The following MDGA2 variants were observed in gnomAD, a reference collection of about 807,000 sequenced individuals.
The protein encoded by MDGA2 is MAM domain containing glycosylphosphatidylinositol anchor 2, also known as MAM domain-containing glycosylphosphatidylinositol anchor protein 2.
In MDGA2, 40 loss-of-function variants were observed where a neutral mutation model predicts 117.8. The ratio of observed to expected loss-of-function variants is 0.34; its 90% CI spans 0.26 to 0.44. The LOEUF is 0.44. Among genes scored for constraint, MDGA2 ranks in the 20% least tolerant of loss-of-function variants. MDGA2 has a pLI of 1.00. For missense variants in MDGA2, 1,123 were observed against 1,250.6 expected (o/e 0.90, Z 1.54); for synonymous variants, 452 against 439.0 (o/e 1.03, Z -0.37).
chr14:47,315,482 T>C (rs1234446824), intron 1 of MDGA2, among the ~76,000 whole-genome samples: 2 of 152,182 alleles, frequency 1.3e-5, no homozygotes, highest in African/African-American at 4.8e-5. Context: ...CATCACGTGG[T>C]ATAAATCTTG....
chr14:47,462,336 A>G (rs1893505632), intron 1 of MDGA2, among the ~76,000 whole-genome samples: 2 of 146,490 alleles, frequency 1.4e-5, no homozygotes. Flanking sequence ...AGATCGTGCC[A>G]CTGCACTCCA....
chr14:47,391,118 CATA>C (rs1566766143), intron 1 of MDGA2, among the ~76,000 whole-genome samples: 1 of 152,170 alleles, frequency 6.6e-6, no homozygotes, highest in Non-Finnish European at 1.5e-5. Flanking sequence ...TTGGCAGACA[CATA>C]ATAACCCTCC....
intron 1 of MDGA2, among the ~76,000 whole-genome samples, chr14:47,316,451 C>A (rs995655228): frequency 6.6e-6 from 1 of 151,964 alleles, no homozygotes; most frequent in Non-Finnish European, 1.5e-5. Context: ...GTCAGTTCAT[C>A]AAATAAATGA....
At chr14:47,259,786 A>T (rs1462683891) in intron 2 of MDGA2, among the ~76,000 whole-genome samples, 2 of 152,100 alleles carry the variant, frequency 1.3e-5, no homozygotes, top group Non-Finnish European at 2.9e-5. Context: ...ATGGAATCTG[A>T]GAGAGTAGAG....
chr14:46,929,646 TACA>T (rs1399033547), intron 9 of MDGA2, among the ~76,000 whole-genome samples: 1,007 of 33,980 alleles, frequency 0.03, 142 homozygotes, highest in African/African-American at 0.033. Flanking sequence ...TATATATATA[TACA>T]TTTTTTTTTT....
intron 1 of MDGA2, among the ~76,000 whole-genome samples, chr14:47,320,849 G>C (rs1763896943): frequency 6.6e-6 from 1 of 152,098 alleles, no homozygotes; most frequent in Non-Finnish European, 1.5e-5. Flanking sequence ...AATGCTTTGA[G>C]TACTTGTGTT....
At chr14:47,052,128 A>T (rs1889480576) in intron 7 of MDGA2, among the ~76,000 whole-genome samples, 1 of 151,876 alleles carries the variant, frequency 6.6e-6, no homozygotes, top group Non-Finnish European at 1.5e-5. Context: ...CAAATTTTGA[A>T]GCTAAAAATT....
rs550571460 is a variant in MDGA2, at chr14:46,900,012, G to C, written c.2239-17791C>G. Reference sequence around the variant, plus strand: ...AGTAGTCACTACTTGAAAATACAATGGTACAATTTTCTAGGATATTACCTC... The same window carrying C: ...AGTAGTCACTACTTGAAAATACAATCGTACAATTTTCTAGGATATTACCTC... On this transcript the variant is annotated intron_variant, in intron 10 of 16. Transcript: ENST00000399232. 3.9e-5 allele frequency among the ~76,000 whole-genome samples: 6 copies of C among 152,032 alleles called. No homozygotes were observed. The East Asian group carries it at 1.2e-3, about 29-fold the overall frequency.
chr14:47,239,161 G>A (rs1285232623), intron 2 of MDGA2, among the ~76,000 whole-genome samples: 3 of 150,790 alleles, frequency 2.0e-5, no homozygotes, highest in African/African-American at 7.3e-5. Flanking sequence ...GCTAGCTTGG[G>A]GGAAACAAAA....
intron 1 of MDGA2, among the ~76,000 whole-genome samples, chr14:47,623,483 C>T (rs2138932581): frequency 6.6e-6 from 1 of 152,216 alleles, no homozygotes; most frequent in East Asian, 1.9e-4. Context: ...TAATGCAGTA[C>T]TGTCAGCCTA....
At chr14:47,672,985 C>T (rs1231143789) in intron 1 of MDGA2, among the ~76,000 whole-genome samples, 3 of 152,122 alleles carry the variant, frequency 2.0e-5, no homozygotes, top group African/African-American at 7.2e-5. Flanking sequence ...ATCACCACCA[C>T]GAGACAAGTT....
chr14:47,342,256 T>TATATATATATATA (rs1890647158), intron 1 of MDGA2, among the ~76,000 whole-genome samples: 3 of 134,076 alleles, frequency 2.2e-5, no homozygotes, highest in African/African-American at 7.9e-5. Flanking sequence ...CACAAAATGT[T>TATATATATATATA]TATATATATA....
chr14:46,868,845 T>C (rs1009735949), intron 14 of MDGA2, among the ~76,000 whole-genome samples: 1 of 151,984 alleles, frequency 6.6e-6, no homozygotes, highest in East Asian at 1.9e-4. Flanking sequence ...GCAGAGAAAA[T>C]GGAGACTGTT....
intron 13 of MDGA2, 178 bp downstream of exon 13, chr14:46,873,867 G>T: frequency 1.7e-6 from 1 of 593,384 alleles, no homozygotes; most frequent in Non-Finnish European, 2.6e-6. Flanking sequence ...TATCAGTGAA[G>T]TCTGAGAAAA....
chr14:47,028,299 A>C (rs1183583578), intron 8 of MDGA2, among the ~76,000 whole-genome samples: 1 of 152,150 alleles, frequency 6.6e-6, no homozygotes, highest in East Asian at 1.9e-4. Flanking sequence ...TTTTGAGTAT[A>C]AATTTATATT....
chr14:47,201,316 A>G (rs111425106), intron 3 of MDGA2, among the ~76,000 whole-genome samples: 2,320 of 152,260 alleles, frequency 0.015, 69 homozygotes, highest in African/African-American at 0.05. Flanking sequence ...CTGAAAGGAC[A>G]GTCACTTCCA....
chr14:47,608,843 G>A (rs1443478617), intron 1 of MDGA2, among the ~76,000 whole-genome samples: 1 of 152,086 alleles, frequency 6.6e-6, no homozygotes, highest in Non-Finnish European at 1.5e-5. Context: ...TGACTTGGAT[G>A]AGGGTAGTAG....
intron 1 of MDGA2, among the ~76,000 whole-genome samples, chr14:47,647,146 G>A (rs570595034): frequency 6.6e-6 from 1 of 152,178 alleles, no homozygotes; most frequent in South Asian, 2.1e-4. Flanking sequence ...CCAAATACGT[G>A]TCATGCAGAT....
intron 1 of MDGA2, among the ~76,000 whole-genome samples, chr14:47,373,640 G>A (rs1344513742): frequency 6.6e-6 from 1 of 151,998 alleles, no homozygotes; most frequent in Admixed American, 6.6e-5. Context: ...GTTGGCTAGG[G>A]CTGGGCTGTG....
Sources: allele counts gnomAD v4.1 joint callset (sites outside exome capture counted in the v4.1 genomes callset), GRCh38; gene constraint gnomAD v4.1.1; transcripts MANE v1.5; gene names NCBI Gene and HGNC (gene_info 2026-07-23, HGNC 2026-07-21).